The following PPP6C variants were observed in gnomAD, a reference collection of about 807,000 sequenced individuals.
PPP6C encodes the protein serine/threonine-protein phosphatase 6 catalytic subunit.
PPP6C carries 11 observed loss-of-function variants against 39.8 expected under a neutral mutation model. That is an observed-to-expected ratio of 0.28 (90% CI 0.17 to 0.46). The LOEUF (loss-of-function observed/expected upper bound fraction) is 0.46. Ranked by LOEUF, PPP6C falls within the 20% of genes least tolerant of loss-of-function variation. The pLI is 1.00. For synonymous variants in PPP6C, 129 were observed against 130.3 expected, an observed-to-expected ratio of 0.99 and a Z score of 0.07; for missense variants, 211 against 373.9, an observed-to-expected ratio of 0.56 and a Z score of 3.59.
chr9:125,160,438 C>T lies in PPP6C; in HGVS notation c.237+403G>A, dbSNP rs562707077. On this transcript the variant is annotated intron_variant, in intron 3 of 6. Transcript: ENST00000373547. Reference sequence around the variant, plus strand: ...ATTCCCACATGTTGTGGGAGGGACTCGATGGAAAGTAATTGAATCATGGGG... The same window carrying T: ...ATTCCCACATGTTGTGGGAGGGACTTGATGGAAAGTAATTGAATCATGGGG... 5.9e-5 allele frequency among the ~76,000 whole-genome samples: 9 copies of T among 152,254 alleles called. No individual in the cohort carries two copies. The East Asian group carries it at 1.2e-3, about 20-fold the overall frequency.
intron 2 of PPP6C, among the ~76,000 whole-genome samples, chr9:125,163,490 G>A (rs1828935714): frequency 6.6e-6 from 1 of 152,152 alleles, no homozygotes; most frequent in Non-Finnish European, 1.5e-5. Context: ...CAATGCAATG[G>A]TGCGATCTCG....
At chr9:125,177,193 T>C (rs996471715) in intron 1 of PPP6C, among the ~76,000 whole-genome samples, 1 of 150,842 alleles carries the variant, frequency 6.6e-6, no homozygotes, top group Admixed American at 6.6e-5. Flanking sequence ...GCTAACACAA[T>C]GAAACCCCAT....
intron 1 of PPP6C, among the ~76,000 whole-genome samples, chr9:125,178,643 T>A (rs1385272641): frequency 6.6e-6 from 1 of 152,166 alleles, no homozygotes; most frequent in East Asian, 1.9e-4. Flanking sequence ...CAAGTAATAT[T>A]CAGCTCCTAC....
intron 6 of PPP6C, among the ~76,000 whole-genome samples, chr9:125,152,146 G>A (rs1835964422): frequency 1.3e-5 from 2 of 152,144 alleles, no homozygotes; most frequent in Non-Finnish European, 2.9e-5. Context: ...AGGCAGCACA[G>A]CGCAGCAAAT....
chr9:125,150,421 GGTGTGT>G (rs113973939), intron 6 of PPP6C, among the ~76,000 whole-genome samples: 9 of 149,856 alleles, frequency 6.0e-5, no homozygotes, highest in South Asian at 2.1e-4. Flanking sequence ...CAATATAAGG[GGTGTGT>G]GTGTGTGTGT....
At chr9:125,150,417 A>C (rs1209080431) in intron 6 of PPP6C, among the ~76,000 whole-genome samples, 1 of 112,882 alleles carries the variant, frequency 8.9e-6, no homozygotes, top group Non-Finnish European at 2.0e-5. Flanking sequence ...TTCCCAATAT[A>C]AGGGGTGTGT....
At chr9:125,171,847 C>T in intron 1 of PPP6C, 2 of 455,868 alleles carry the variant, frequency 4.4e-6, no homozygotes, top group Non-Finnish European at 4.4e-6. Context: ...AGCCACCGTG[C>T]CCAGCCAGTA....
In PPP6C at chr9:125,179,160, A is replaced by G. The variant is rs566744954; in HGVS notation, c.76-7980T>C. Among the ~76,000 whole-genome samples the G allele has an allele frequency of 1.3e-3, 192 of 145,672 alleles. 1 individual carries two copies. The highest frequency in any genetic ancestry group is 1.6e-3 in the Non-Finnish European group (105 of 66,802). On this transcript the variant is annotated intron_variant, in intron 1 of 6. Transcript: ENST00000373547. ...AATGCGGGAGGCAGAGGTTGCGGTG[A>G]GCTGAGATCGCGCCACTGCACTCCA...
chr9:125,150,931 C>T, intron 6 of PPP6C: 1 of 1,083,584 alleles, frequency 9.2e-7, no homozygotes, highest in South Asian at 1.2e-5. Flanking sequence ...TTCCCTTATG[C>T]CCAGCAGGAT....
At chr9:125,156,202 T>A (rs1282724692) in intron 4 of PPP6C, among the ~76,000 whole-genome samples, 1 of 152,204 alleles carries the variant, frequency 6.6e-6, no homozygotes, top group Non-Finnish European at 1.5e-5. Flanking sequence ...AAAAATTATA[T>A]AAAAACAATA....
chr9:125,179,215 C>CAAAAAAAAAGA, intron 1 of PPP6C, among the ~76,000 whole-genome samples: 1 of 127,408 alleles, frequency 7.8e-6, no homozygotes, highest in East Asian at 2.5e-4. Context: ...AACTCCATCT[C>CAAAAAAAAAGA]AAAAAAAAAA....
chr9:125,183,926 C>T (rs1302234768), intron 1 of PPP6C, among the ~76,000 whole-genome samples: 1 of 152,112 alleles, frequency 6.6e-6, no homozygotes, highest in African/African-American at 2.4e-5. Context: ...GCCCCTGGCA[C>T]CCACAGGGAA....
At chr9:125,181,844 C>T (rs746173608) in intron 1 of PPP6C, among the ~76,000 whole-genome samples, 2 of 152,186 alleles carry the variant, frequency 1.3e-5, no homozygotes, top group Non-Finnish European at 2.9e-5. Context: ...GGCCAAATGG[C>T]ATTTCTAGTT....
chr9:125,189,520 C>A, intron 1 of PPP6C, 124 bp downstream of exon 1: 1 of 1,497,580 alleles, frequency 6.7e-7, no homozygotes, highest in Non-Finnish European at 8.9e-7. Flanking sequence ...ACCGGGTCGA[C>A]TGGCAATGGG....
chr9:125,168,161 T>A (rs1318736202), intron 2 of PPP6C, among the ~76,000 whole-genome samples: 1 of 152,124 alleles, frequency 6.6e-6, no homozygotes, highest in East Asian at 1.9e-4. Flanking sequence ...AGGCCACACT[T>A]AACGAATTTG....
At chr9:125,152,850 G>A (rs1835984247) in intron 6 of PPP6C, among the ~76,000 whole-genome samples, 1 of 150,194 alleles carries the variant, frequency 6.7e-6, no homozygotes, top group Admixed American at 6.7e-5. Context: ...AAAGATTCAT[G>A]TTATTGTCTC....
At chr9:125,159,046 T>G (rs112538864) in intron 3 of PPP6C, among the ~76,000 whole-genome samples, 6,180 of 149,952 alleles carry the variant, frequency 0.041, 422 homozygotes, top group African/African-American at 0.14. Flanking sequence ...GTTTTTTTTT[T>G]TTTTTTTTTT....
rs538124830 is a variant in PPP6C at position 125,160,247 on chromosome 9, G to A, written c.237+594C>T. Among the ~76,000 whole-genome samples, 238 of 152,268 alleles carry A rather than the reference G, an allele frequency of 1.6e-3. 3 individuals carry two copies. Among genetic ancestry groups the A allele is most frequent in the African/African-American group, 5.6e-3 (231 of 41,560 alleles). ...AATTGAAGATTTTTGCCTTAAACCA[G>A]GGGTTCTGGGTTATTTTTTATGCCC... On this transcript the variant is annotated intron_variant, in intron 3 of 6. Coordinates refer to ENST00000373547, the MANE Select transcript of PPP6C (RefSeq NM_002721.5).
intron 1 of PPP6C, among the ~76,000 whole-genome samples, chr9:125,172,247 T>C (rs890802841): frequency 6.6e-6 from 1 of 152,158 alleles, no homozygotes; most frequent in East Asian, 1.9e-4. Context: ...AGACAGAGTC[T>C]TGGTCTGTTG....
Sources: allele counts gnomAD v4.1 joint callset (sites outside exome capture counted in the v4.1 genomes callset), GRCh38; gene constraint gnomAD v4.1.1; transcripts MANE v1.5; gene names NCBI Gene and HGNC (gene_info 2026-07-23, HGNC 2026-07-21).